The following MCU variants were observed in gnomAD, a reference collection of about 807,000 sequenced individuals.
MCU encodes the protein calcium uniporter protein, mitochondrial.
Under a neutral mutation model 45.2 loss-of-function variants are expected in MCU, and 12 were observed. That is an observed-to-expected ratio of 0.27 (90% CI 0.17 to 0.43). The LOEUF (loss-of-function observed/expected upper bound fraction) is 0.43, where lower values mean the gene tolerates loss of function less well. Ranked by LOEUF, MCU falls within the 20% of genes least tolerant of loss-of-function variation. The pLI, the probability that MCU is intolerant of heterozygous loss-of-function variation, is 1.00. For missense variants in MCU, 324 were observed against 436.7 expected (o/e 0.74, Z 2.30); for synonymous variants, 160 against 165.1 (o/e 0.97, Z 0.24).
intron 1 of MCU, among the ~76,000 whole-genome samples, chr10:72,768,381 A>G (rs1843757925): frequency 6.6e-6 from 1 of 152,232 alleles, no homozygotes; most frequent in Non-Finnish European, 1.5e-5. Flanking sequence ...TTTTAAAAAC[A>G]TTTATATAAT....
At chr10:72,717,359 A>T (rs759519358) in intron 1 of MCU, among the ~76,000 whole-genome samples, 19 of 151,654 alleles carry the variant, frequency 1.3e-4, no homozygotes, top group Non-Finnish European at 1.0e-4. Context: ...TCCCGAGTTC[A>T]AGCAATTCTC....
chr10:72,728,059 T>G (rs1306838631), intron 1 of MCU, among the ~76,000 whole-genome samples: 2 of 152,156 alleles, frequency 1.3e-5, no homozygotes, highest in Non-Finnish European at 2.9e-5. Flanking sequence ...GAATAGGTAT[T>G]AGAACTTTTA....
At chr10:72,868,671 A>G in intron 4 of MCU, 32 bp from the exon 5 acceptor site, 1 of 1,607,024 alleles carries the variant, frequency 6.2e-7, no homozygotes, top group Non-Finnish European at 8.5e-7. Flanking sequence ...TTTAAGGCAT[A>G]CATTTTTTAA....
chr10:72,867,809 C>T (rs1487430750), intron 4 of MCU, among the ~76,000 whole-genome samples: 4 of 148,210 alleles, frequency 2.7e-5, no homozygotes, highest in Middle Eastern at 3.4e-3. Flanking sequence ...GAGCCGAGAT[C>T]GCGCCACTGC....
intron 2 of MCU, among the ~76,000 whole-genome samples, chr10:72,850,809 A>G (rs902276818): frequency 4.6e-5 from 7 of 152,184 alleles, no homozygotes; most frequent in Non-Finnish European, 8.8e-5. Flanking sequence ...ACATACTTAT[A>G]TTATTTCTTA....
intron 1 of MCU, among the ~76,000 whole-genome samples, chr10:72,817,653 T>A (rs1229955362): frequency 6.6e-6 from 1 of 152,204 alleles, no homozygotes; most frequent in Non-Finnish European, 1.5e-5. Context: ...ATGGAGTCTG[T>A]TGCCCAGGCT....
At chr10:72,773,860 G>T (rs1027462562) in intron 1 of MCU, among the ~76,000 whole-genome samples, 7 of 152,128 alleles carry the variant, frequency 4.6e-5, no homozygotes, top group African/African-American at 1.4e-4. Context: ...TGCCACCCAA[G>T]AATATTTTGC....
chr10:72,869,566 C>G (rs778124485), intron 5 of MCU, among the ~76,000 whole-genome samples: 1 of 152,004 alleles, frequency 6.6e-6, no homozygotes, highest in South Asian at 2.1e-4. Flanking sequence ...CCAGCCTGGA[C>G]GACAGAGCGA....
At chr10:72,776,945 A>C (rs900611628) in intron 1 of MCU, among the ~76,000 whole-genome samples, 7 of 152,212 alleles carry the variant, frequency 4.6e-5, no homozygotes, top group African/African-American at 1.7e-4. Context: ...AAAAGAAATC[A>C]AGAAAGCAAT....
chr10:72,774,020 G>A (rs78250824), intron 1 of MCU, among the ~76,000 whole-genome samples: 14 of 152,102 alleles, frequency 9.2e-5, no homozygotes, highest in Admixed American at 2.6e-4. Context: ...AACCACTAAC[G>A]TGCTAAAGGA....
intron 6 of MCU, among the ~76,000 whole-genome samples, chr10:72,882,705 C>T (rs990207923): frequency 5.9e-5 from 9 of 152,140 alleles, no homozygotes; most frequent in Non-Finnish European, 8.8e-5. Flanking sequence ...AATTTTACCC[C>T]GGTCCTGTGG....
At chr10:72,844,681 A>G (rs1449455621) in intron 2 of MCU, among the ~76,000 whole-genome samples, 4 of 152,186 alleles carry the variant, frequency 2.6e-5, no homozygotes, top group African/African-American at 7.2e-5. Flanking sequence ...TAAAATGACA[A>G]TCTTATATTT....
Position 72,744,410 on chromosome 10 carries a change from T to A in MCU, c.150+52109T>A, listed in dbSNP as rs115971234. Among the ~76,000 whole-genome samples the A allele has an allele frequency of 3.0e-3, 457 of 152,286 alleles. 4 individuals carry two copies. The highest frequency in any genetic ancestry group is 0.01 in the African/African-American group (429 of 41,548). On this transcript the variant is annotated intron_variant, in intron 1 of 7. Coordinates refer to ENST00000373053, the MANE Select transcript of MCU (RefSeq NM_138357.3). ...GGTGGGGAGGAGAAAGTGCTAGAAT[T>A]TTTGGCTCACTGGCCATAGCTTTGG...
intron 1 of MCU, among the ~76,000 whole-genome samples, chr10:72,703,802 G>A (rs530867709): frequency 5.3e-5 from 8 of 152,094 alleles, no homozygotes; most frequent in East Asian, 1.9e-4. Context: ...AGGCTGAGAC[G>A]TGAGAATTGC....
intron 7 of MCU, 133 bp downstream of exon 7, chr10:72,884,515 C>A: frequency 1.6e-6 from 1 of 609,404 alleles, no homozygotes. Context: ...TAAATTATTC[C>A]TCAGTTGATT....
chr10:72,841,498 G>A (rs7097558), intron 2 of MCU, among the ~76,000 whole-genome samples: 94,504 of 151,848 alleles, frequency 0.62, 30,901 homozygotes, highest in African/African-American at 0.71. Context: ...GGGTTTCACC[G>A]TGTTGGCCAG....
intron 1 of MCU, among the ~76,000 whole-genome samples, chr10:72,821,824 G>A (rs1343312271): frequency 6.6e-6 from 1 of 152,052 alleles, no homozygotes; most frequent in Non-Finnish European, 1.5e-5. Context: ...AAGTGCACAT[G>A]GAACATTTTC....
chr10:72,784,213 A>G (rs928645233), intron 1 of MCU, among the ~76,000 whole-genome samples: 1 of 152,220 alleles, frequency 6.6e-6, no homozygotes, highest in Non-Finnish European at 1.5e-5. Flanking sequence ...TATAAAGAGT[A>G]TGTAATTCAG....
chr10:72,820,456 T>C (rs111670272), intron 1 of MCU, among the ~76,000 whole-genome samples: 1 of 152,256 alleles, frequency 6.6e-6, no homozygotes, highest in African/African-American at 2.4e-5. Flanking sequence ...GCTCCGACTT[T>C]GCTTTGAAAG....
Sources: gnomAD v4.1 joint callset for allele counts (sites outside exome capture counted in the v4.1 genomes callset) on GRCh38, gnomAD v4.1.1 for gene constraint, MANE v1.5 for transcripts, NCBI Gene and HGNC (gene_info 2026-07-23, HGNC 2026-07-21) for gene names.